Variants in AGBL1 observed in about 807,000 individuals in gnomAD.
The protein encoded by AGBL1 is cytosolic carboxypeptidase 4.
AGBL1 carries 130 observed loss-of-function variants against 118.9 expected under a neutral mutation model. That is an observed-to-expected ratio of 1.09 (90% CI 0.95 to 1.26). The LOEUF (loss-of-function observed/expected upper bound fraction) is 1.26, where lower values mean the gene tolerates loss of function less well. Ranked by LOEUF, AGBL1 falls within the 50% of genes most tolerant of loss-of-function variation. The pLI, the probability that AGBL1 is intolerant of heterozygous loss-of-function variation, is 0.00. For missense variants in AGBL1, 1,584 were observed against 1,298.1 expected (o/e 1.22, Z -3.38); for synonymous variants, 555 against 478.9 (o/e 1.16, Z -2.08).
At chr15:86,445,602 G>A (rs186893749) in intron 18 of AGBL1, among the ~76,000 whole-genome samples, 3 of 152,318 alleles carry the variant, frequency 2.0e-5, no homozygotes, top group Non-Finnish European at 4.4e-5. Context: ...TGGTAATAGA[G>A]TGCAGCCTGC....
At chr15:86,335,572 G>A (rs566868760) in intron 17 of AGBL1, among the ~76,000 whole-genome samples, 1 of 152,190 alleles carries the variant, frequency 6.6e-6, no homozygotes, top group Non-Finnish European at 1.5e-5. Flanking sequence ...ATAGGATTAA[G>A]TGCACTTGAA....
At chr15:86,609,718 G>A (rs1485561407) in intron 21 of AGBL1, among the ~76,000 whole-genome samples, 1 of 152,122 alleles carries the variant, frequency 6.6e-6, no homozygotes, top group Non-Finnish European at 1.5e-5. Context: ...CAATAGCCAG[G>A]TGAACAATGC....
chr15:86,731,957 C>T (rs921554195), intron 22 of AGBL1, among the ~76,000 whole-genome samples: 3 of 152,172 alleles, frequency 2.0e-5, no homozygotes, highest in African/African-American at 7.2e-5. Flanking sequence ...ACGTGGCATT[C>T]CTCAAGGGCA....
intron 23 of AGBL1, among the ~76,000 whole-genome samples, chr15:86,935,728 G>A (rs1023099354): frequency 6.7e-6 from 1 of 149,580 alleles, no homozygotes; most frequent in Non-Finnish European, 1.5e-5. Flanking sequence ...ATGAAATCTT[G>A]TTGTTGTCAT....
chr15:86,160,946 C>G (rs1256645506), intron 5 of AGBL1, among the ~76,000 whole-genome samples: 1 of 152,082 alleles, frequency 6.6e-6, no homozygotes. Flanking sequence ...TGTGGGGTAG[C>G]GGGGAGAAAT....
chr15:86,946,628 G>A (rs560453489), intron 23 of AGBL1, among the ~76,000 whole-genome samples: 96 of 151,860 alleles, frequency 6.3e-4, no homozygotes, highest in African/African-American at 2.2e-3. Flanking sequence ...CAGGTGGATC[G>A]CCTGAGGTTG....
intron 22 of AGBL1, among the ~76,000 whole-genome samples, chr15:86,866,913 A>C (rs2079639467): frequency 6.6e-6 from 1 of 152,224 alleles, no homozygotes; most frequent in Non-Finnish European, 1.5e-5. Flanking sequence ...CAGAGAAGAG[A>C]GTATCAGTAG....
rs140044666 is a variant in AGBL1 at position 86,495,758 on chromosome 15, A to G, written c.2556-27052A>G. On this transcript the variant is annotated intron_variant, in intron 18 of 22. Coordinates refer to ENST00000614907, the MANE Select transcript of AGBL1 (RefSeq NM_001386094.1). ...ATAAATATTCAATATATGGTATAAAAGTATGCATCTTCTCTGTTTGGTATA... is the reference window on the plus strand; with the variant it reads ...ATAAATATTCAATATATGGTATAAAGGTATGCATCTTCTCTGTTTGGTATA... 2.0e-5 allele frequency among the ~76,000 whole-genome samples: 3 copies of G among 152,132 alleles called. No individual in the cohort carries two copies. In the East Asian group the frequency reaches 5.8e-4, roughly 29 times the overall value.
At chr15:86,086,101 C>T (rs914500499) in intron 1 of AGBL1, 4 of 152,240 alleles carry the variant, frequency 2.6e-5, no homozygotes, top group African/African-American at 7.2e-5. Flanking sequence ...CAGCGACCCA[C>T]GCCTACAGCA....
chr15:86,777,320 T>C (rs1309341309), intron 22 of AGBL1, among the ~76,000 whole-genome samples: 1 of 152,038 alleles, frequency 6.6e-6, no homozygotes. Context: ...AAATACTTAT[T>C]TATATATTAC....
At chr15:86,756,513 A>C (rs771335733) in intron 22 of AGBL1, among the ~76,000 whole-genome samples, 1 of 150,678 alleles carries the variant, frequency 6.6e-6, no homozygotes, top group African/African-American at 2.5e-5. Flanking sequence ...TAAGAAGGGA[A>C]GGGCAGAGTT....
intron 22 of AGBL1, among the ~76,000 whole-genome samples, chr15:86,681,715 A>C (rs570344925): frequency 6.6e-6 from 1 of 152,312 alleles, no homozygotes; most frequent in East Asian, 1.9e-4. Context: ...CTGGATGTAG[A>C]GAGGTCCTCT....
chr15:86,307,449 T>G (rs1229319705), intron 17 of AGBL1, among the ~76,000 whole-genome samples: 1 of 152,174 alleles, frequency 6.6e-6, no homozygotes, highest in Non-Finnish European at 1.5e-5. Context: ...TTGCTTAATT[T>G]TCATGGAATC....
intron 22 of AGBL1, among the ~76,000 whole-genome samples, chr15:86,887,100 TTATG>T (rs1216579114): frequency 3.3e-5 from 5 of 152,198 alleles, no homozygotes. Flanking sequence ...ATTAGACTGT[TTATG>T]TAAGGATTCT....
chr15:86,526,569 T>TATAC (rs2083267013), intron 19 of AGBL1, among the ~76,000 whole-genome samples: 2 of 133,940 alleles, frequency 1.5e-5, no homozygotes, highest in African/African-American at 3.1e-5. Context: ...TATATATATA[T>TATAC]ATATACACAC....
intron 22 of AGBL1, among the ~76,000 whole-genome samples, chr15:86,715,818 G>A (rs1349830563): frequency 2.0e-5 from 3 of 152,122 alleles, no homozygotes; most frequent in East Asian, 3.9e-4. Flanking sequence ...CAGCACTTTG[G>A]GAGGCTGAGG....
At chr15:86,173,508 A>G (rs1284882114) in intron 5 of AGBL1, among the ~76,000 whole-genome samples, 3 of 152,018 alleles carry the variant, frequency 2.0e-5, no homozygotes, top group African/African-American at 7.2e-5. Context: ...TAGCCATAAA[A>G]TCTTTAACCA....
At chr15:86,368,079 C>G (rs982898086) in intron 17 of AGBL1, among the ~76,000 whole-genome samples, 8 of 152,090 alleles carry the variant, frequency 5.3e-5, no homozygotes, top group Non-Finnish European at 1.2e-4. Context: ...AGTGCTGATT[C>G]ACGACTTCGG....
chr15:86,335,517 A>C (rs1305343554), intron 17 of AGBL1, among the ~76,000 whole-genome samples: 1 of 152,188 alleles, frequency 6.6e-6, no homozygotes, highest in African/African-American at 2.4e-5. Context: ...TATATTGGCT[A>C]ATAATTTTCC....
Sources: gnomAD v4.1 joint callset for allele counts (sites outside exome capture counted in the v4.1 genomes callset) on GRCh38, gnomAD v4.1.1 for gene constraint, MANE v1.5 for transcripts, NCBI Gene and HGNC (gene_info 2026-07-23, HGNC 2026-07-21) for gene names.